IRF5: variants seen among roughly 807,000 people sequenced by gnomAD.
IRF5 encodes the protein interferon regulatory factor 5.
In IRF5, 24 loss-of-function variants were observed where a neutral mutation model predicts 55.1. The observed-to-expected ratio is 0.44, with a 90% confidence interval of 0.32 to 0.61. IRF5 has a LOEUF of 0.61. IRF5 is among the 20% of genes least tolerant of loss of function. The pLI, the probability that IRF5 is intolerant of heterozygous loss-of-function variation, is 0.07. For synonymous variants in IRF5, 258 were observed against 260.2 expected (o/e 0.99, Z 0.08); for missense variants, 499 against 658.5 (o/e 0.76, Z 2.65).
Position 128,947,352 on chromosome 7 carries a change from C to G in IRF5, c.604C>G (p.Pro202Ala). ...TACTCTGCAGCCGCCCACTCTGCAG[C>G]CGCCCGTGGTGCTGGGTCCCCCTGC... ...PPTLQPPTLQPPVVLGPPAPD... is the reference protein window; with the variant it reads ...PPTLQPPTLQAPVVLGPPAPD... The change falls in exon 6 of 9, where the codon CCG becomes GCG. Residue 202 changes from proline (P) to alanine (A), a missense_variant. Around this residue, in one of 2 missense-constraint regions of IRF5, gnomAD observed 305 missense variants for 340.2 expected, o/e 0.90. Transcript: ENST00000357234. The surrounding 1 kb of genome is among the most constrained non-coding windows in gnomAD (Gnocchi z 6.5). The G allele has an allele frequency of 6.2e-7, 1 of 1,604,610 alleles. No homozygotes were observed. The highest frequency in any genetic ancestry group is 2.2e-5 in the East Asian group (1 of 44,576).
Position 128,947,798 on chromosome 7 carries a change from A to T in IRF5, c.857A>T (p.His286Leu), listed in dbSNP as rs1418754603. The change falls in exon 7 of 9, where the codon CAT becomes CTT. Residue 286 changes from histidine to leucine, a missense_variant. Transcript: ENST00000357234. This position sits in a 1 kb window ranked among gnomAD's most constrained non-coding sequence, Gnocchi z 6.5. ...PPRALTISNP[H>L]GCRLFYSQLE... The stretch of plus-strand genomic sequence containing the variant: ...CGGGCCCTCACCATCAGCAACCCCC[A>T]TGGCTGCCGGCTCTTCTACAGCCAG... The T allele has an allele frequency of 1.9e-6, 3 of 1,613,464 alleles. No homozygotes were observed. In the African/African-American group the frequency reaches 4.0e-5, roughly 22 times the overall value.
At chr7:128,945,734 C>A in intron 2 of IRF5, 111 bp from the exon 3 acceptor site, 1 of 1,058,168 alleles carries the variant, frequency 9.5e-7, no homozygotes, top group Non-Finnish European at 1.3e-6. Context: ...CGAGGCTCAG[C>A]CTGTAGCCGA....
Position 128,948,179 on chromosome 7 carries a change from C to T in IRF5, c.1181-31C>T. The T allele has an allele frequency of 6.2e-7, 1 of 1,611,720 alleles. No individual in the cohort carries two copies. Among genetic ancestry groups the T allele is most frequent in the East Asian group, 2.2e-5 (1 of 44,846 alleles). On this transcript the variant is annotated intron_variant, in intron 7 of 8. Coordinates refer to ENST00000357234, the MANE Select transcript of IRF5 (RefSeq NM_001098629.3). This position sits in a 1 kb window ranked among gnomAD's most constrained non-coding sequence, Gnocchi z 4.6. ...CCTCTTGCCCAGGGCATGGTTCCAGCCTCTGACTAGGGACCTTGATTTTGA... is the reference window on the plus strand; with the variant it reads ...CCTCTTGCCCAGGGCATGGTTCCAGTCTCTGACTAGGGACCTTGATTTTGA...
At position 128,949,288 on chromosome 7, in the gene IRF5, C is replaced by A. The variant is rs1563080075; in HGVS notation, c.*470C>A. 1 of 156,034 alleles carries A rather than the reference C, an allele frequency of 6.4e-6. No homozygotes were observed. Among genetic ancestry groups the A allele is most frequent in the Non-Finnish European group, 1.4e-5 (1 of 70,608 alleles). 9.7% of individuals were successfully genotyped at this position (156,034 alleles called of 1,614,324 possible). On this transcript the variant is annotated 3_prime_UTR_variant, in exon 9 of 9. Transcript: ENST00000357234. Reference sequence around the variant, plus strand: ...ATGAGTGAGCACTTAGGTATCATATCAGATGCTCAAGGCTGGCAGCTACCC... The same window carrying A: ...ATGAGTGAGCACTTAGGTATCATATAAGATGCTCAAGGCTGGCAGCTACCC...
Position 128,948,887 on chromosome 7 carries a change from G to A in IRF5, c.*69G>A, listed in dbSNP as rs1009884376. The A allele has an allele frequency of 1.5e-5, 23 of 1,537,678 alleles. No individual in the cohort carries two copies. The highest frequency in any genetic ancestry group is 1.8e-5 in the Non-Finnish European group (21 of 1,143,220). On this transcript the variant is annotated 3_prime_UTR_variant, in exon 9 of 9. Coordinates refer to ENST00000357234, the MANE Select transcript of IRF5 (RefSeq NM_001098629.3). This position sits in a 1 kb window ranked among gnomAD's most constrained non-coding sequence, Gnocchi z 4.6. ...TGCGGACTGATGTGGAGATGTGACA[G>A]CCCCGATGAGCACCTGGCTGGCTGC...
Position 128,948,097 on chromosome 7 carries a change from T to C in IRF5, c.1156T>C (p.Phe386Leu), listed in dbSNP as rs1209164836. The C allele has an allele frequency of 1.2e-6, 2 of 1,614,014 alleles. No individual in the cohort carries two copies. The highest frequency in any genetic ancestry group is 8.5e-7 in the Non-Finnish European group (1 of 1,179,894). Reference protein sequence around the residue: ...PIQREVKTKLFSLEHFLNELI... With the variant: ...PIQREVKTKLLSLEHFLNELI... ...CCAGCGGGAGGTCAAGACCAAGCTT[T>C]TCAGCCTGGAGCATTTTCTCAATGG... is the stretch of plus-strand genomic sequence containing the variant. Residue 386 changes from phenylalanine (F) to leucine (L), a missense_variant, in exon 7 of 9, where the codon TTC becomes CTC. By Grantham distance (22) the Phe-to-Leu change is conservative. This residue lies in a region of IRF5 where 194 missense variants were observed against 318.3 expected (regional missense o/e 0.61). Transcript: ENST00000357234. This position sits in a 1 kb window ranked among gnomAD's most constrained non-coding sequence, Gnocchi z 4.6.
chr7:128,939,277 G>T (rs1482365524), intron 1 of IRF5, among the ~76,000 whole-genome samples: 1 of 152,154 alleles, frequency 6.6e-6, no homozygotes, highest in Non-Finnish European at 1.5e-5. Flanking sequence ...GGGAAGCACT[G>T]GGAAATCACC....
At chr7:128,942,398 C>T in intron 2 of IRF5, 122 bp downstream of exon 2, 1 of 780,274 alleles carries the variant, frequency 1.3e-6, no homozygotes, top group Non-Finnish European at 2.0e-6. Flanking sequence ...CATGCTGCTG[C>T]TGATGCCGGG....
At chr7:128,940,168 A>G (rs1795943106) in intron 1 of IRF5, 2 of 152,232 alleles carry the variant, frequency 1.3e-5, no homozygotes, top group Admixed American at 1.3e-4. Flanking sequence ...GCCCTCTGAC[A>G]CTGAGGTCGG....
chr7:128,937,558 G>A (rs1465602993), upstream of IRF5: 1 of 152,342 alleles, frequency 6.6e-6, no homozygotes, highest in Non-Finnish European at 1.5e-5. Flanking sequence ...CCCTCGCCAG[G>A]GGTGTAGGCA....
intron 2 of IRF5, 56 bp from the exon 3 acceptor site, chr7:128,945,789 C>A: frequency 6.5e-7 from 1 of 1,545,776 alleles, no homozygotes; most frequent in Non-Finnish European, 8.8e-7. Context: ...AGGAGGCAGA[C>A]TGGGGCTGTG....
intron 2 of IRF5, among the ~76,000 whole-genome samples, chr7:128,943,707 ATTTTTTTTTTTT>A (rs61451031): frequency 9.3e-4 from 67 of 71,928 alleles, no homozygotes; most frequent in East Asian, 5.7e-3. Flanking sequence ...TGCCCGGCTA[ATTTTTTTTTTTT>A]TTTTTTTTTT....
Position 128,947,607 on chromosome 7 carries a change from G to T in IRF5, c.787+72G>T. 1 of 1,515,006 alleles carries T rather than the reference G, an allele frequency of 6.6e-7. No individual in the cohort carries two copies. The highest frequency in any genetic ancestry group is 8.8e-7 in the Non-Finnish European group (1 of 1,138,894). The allele number at this position is 1,515,006 out of a possible 1,614,324, so 93.8% of individuals were successfully genotyped here. ...GGTAGGATTGGCAAGGAGGGTGGAG[G>T]GTGCTGGACTCCCTTGGGTGGGAAA... On this transcript the variant is annotated intron_variant, in intron 6 of 8. Coordinates refer to ENST00000357234, the MANE Select transcript of IRF5 (RefSeq NM_001098629.3). This position sits in a 1 kb window ranked among gnomAD's most constrained non-coding sequence, Gnocchi z 6.5.
At chr7:128,937,166 G>A (rs1795805133), upstream of IRF5, among the ~76,000 whole-genome samples, 1 of 152,252 alleles carries the variant, frequency 6.6e-6, no homozygotes. Flanking sequence ...GGAAGTCAAG[G>A]CAGACTTTCC....
chr7:128,942,781 C>A (rs550115800), intron 2 of IRF5, among the ~76,000 whole-genome samples: 1 of 152,234 alleles, frequency 6.6e-6, no homozygotes, highest in East Asian at 1.9e-4. Context: ...CAACGATCAT[C>A]ATCTTTCTAA....
rs530078395 is a variant in IRF5 at position 128,948,435 on chromosome 7, C to T, written c.1299+107C>T. On this transcript the variant is annotated intron_variant, in intron 8 of 8. Coordinates refer to ENST00000357234, the MANE Select transcript of IRF5 (RefSeq NM_001098629.3). This position sits in a 1 kb window ranked among gnomAD's most constrained non-coding sequence, Gnocchi z 4.6. The stretch of plus-strand genomic sequence containing the variant: ...CTCAGGGCTCCCTGAGCAGTGTGAA[C>T]TTGGCGGCCAGAGACCATCAAGGCT... 32 of 1,466,794 alleles carry T rather than the reference C, an allele frequency of 2.2e-5. No homozygotes were observed. In the African/African-American group the frequency reaches 4.0e-4, roughly 19 times the overall value. 90.9% of individuals were successfully genotyped at this position (1,466,794 alleles called of 1,614,324 possible).
chr7:128,938,113 G>A (rs935775052), intron 1 of IRF5, 64 bp downstream of exon 1: 14 of 152,220 alleles, frequency 9.2e-5, no homozygotes, highest in African/African-American at 2.7e-4. Context: ...AGGGTGGCGG[G>A]AGCGGTGCCG....
intron 1 of IRF5, chr7:128,941,240 G>C (rs188468885): frequency 6.6e-6 from 1 of 152,470 alleles, no homozygotes; most frequent in Admixed American, 6.5e-5. Context: ...GTGCCCCTGG[G>C]TAGGTAGCAG....
At chr7:128,939,040 G>A (rs1050783323) in intron 1 of IRF5, among the ~76,000 whole-genome samples, 1 of 150,920 alleles carries the variant, frequency 6.6e-6, no homozygotes, top group Non-Finnish European at 1.5e-5. Context: ...CGCGGGAGGG[G>A]TGGGGGCGGA....
Sources: allele counts gnomAD v4.1 joint callset (sites outside exome capture counted in the v4.1 genomes callset), GRCh38; gene constraint gnomAD v4.1.1; regional missense constraint gnomAD v4.1.1; non-coding constraint Gnocchi (gnomAD v3.1); transcripts MANE v1.5; gene names NCBI Gene and HGNC (gene_info 2026-07-23, HGNC 2026-07-21).